The following DCDC2C variants were observed in gnomAD, a reference collection of about 807,000 sequenced individuals.
DCDC2C encodes doublecortin domain-containing protein 2C.
Under a neutral mutation model 45.0 loss-of-function variants are expected in DCDC2C, and 44 were observed. That is an observed-to-expected ratio of 0.98 (90% confidence interval 0.77 to 1.26). The LOEUF (loss-of-function observed/expected upper bound fraction) is 1.26, where lower values mean the gene tolerates loss of function less well. Among genes scored for constraint, DCDC2C ranks in the 50% most tolerant of loss-of-function variants. The pLI is 0.00. For missense variants in DCDC2C, 447 were observed against 468.9 expected (o/e 0.95, Z 0.43); for synonymous variants, 187 against 178.8 (o/e 1.05, Z -0.37).
intron 6 of DCDC2C, among the ~76,000 whole-genome samples, chr2:3,762,590 T>G (rs1669908541): frequency 6.7e-6 from 1 of 149,636 alleles, no homozygotes; most frequent in African/African-American, 2.5e-5. Context: ...AGAGAGAGAG[T>G]CGGGGGGAGC....
At chr2:3,726,898 T>TC (rs1333615449) in intron 2 of DCDC2C, 105 bp from the exon 3 acceptor site, 26 of 1,010,230 alleles carry the variant, frequency 2.6e-5, no homozygotes, top group African/African-American at 1.5e-4. Context: ...ACAAAGGGGT[T>TC]CCCCCCCTTT....
chr2:3,826,463 A>C (rs959955398), intron 10 of DCDC2C, among the ~76,000 whole-genome samples: 1 of 152,184 alleles, frequency 6.6e-6, no homozygotes, highest in Non-Finnish European at 1.5e-5. Flanking sequence ...TGCTTTGCAA[A>C]TTGTAAAAAT....
chr2:3,822,269 T>G (rs1400295602), intron 10 of DCDC2C, among the ~76,000 whole-genome samples: 2 of 152,198 alleles, frequency 1.3e-5, no homozygotes, highest in Non-Finnish European at 2.9e-5. Context: ...TCATGGGAAG[T>G]TTTTTGATTA....
chr2:3,764,088 G>A (rs952059808), intron 6 of DCDC2C, among the ~76,000 whole-genome samples: 1 of 152,166 alleles, frequency 6.6e-6, no homozygotes, highest in East Asian at 1.9e-4. Context: ...AGGAGGCATC[G>A]ACTTCATCAT....
intron 10 of DCDC2C, among the ~76,000 whole-genome samples, chr2:3,807,912 G>A (rs1255768250): frequency 6.6e-6 from 1 of 152,160 alleles, no homozygotes; most frequent in East Asian, 1.9e-4. Context: ...CAATTGCCTA[G>A]TAGTGCTCCA....
At chr2:3,766,973 C>T (rs1670030055) in intron 6 of DCDC2C, among the ~76,000 whole-genome samples, 1 of 152,232 alleles carries the variant, frequency 6.6e-6, no homozygotes, top group Non-Finnish European at 1.5e-5. Context: ...GTGACGGCCA[C>T]AGCTCCCTGT....
intron 2 of DCDC2C, among the ~76,000 whole-genome samples, chr2:3,714,817 A>G (rs1668308469): frequency 6.6e-6 from 1 of 152,196 alleles, no homozygotes; most frequent in African/African-American, 2.4e-5. Context: ...ACCAATACTC[A>G]CTTCCACTAT....
intron 10 of DCDC2C, among the ~76,000 whole-genome samples, chr2:3,836,926 G>A (rs979849268): frequency 2.0e-5 from 3 of 151,042 alleles, no homozygotes; most frequent in African/African-American, 7.3e-5. Flanking sequence ...TTGTAATACT[G>A]TACTATCTTA....
chr2:3,813,732 C>CTTTTTTTTTTTT (rs3067128), intron 10 of DCDC2C, among the ~76,000 whole-genome samples: 2 of 99,140 alleles, frequency 2.0e-5, no homozygotes, highest in African/African-American at 8.3e-5. Flanking sequence ...GCAACCCCTG[C>CTTTTTTTTTTTT]TTTTTTTTTT....
At chr2:3,735,218 T>C (rs1668990730) in intron 3 of DCDC2C, among the ~76,000 whole-genome samples, 2 of 152,110 alleles carry the variant, frequency 1.3e-5, no homozygotes, top group South Asian at 4.1e-4. Flanking sequence ...GGAGCTGTTG[T>C]AACTTTCTTT....
At chr2:3,831,419 T>C (rs1671949820) in intron 10 of DCDC2C, among the ~76,000 whole-genome samples, 1 of 152,236 alleles carries the variant, frequency 6.6e-6, no homozygotes, top group Admixed American at 6.5e-5. Context: ...ACTGCAAACC[T>C]GTACAGTAAA....
chr2:3,795,206 G>A (rs201928443), intron 10 of DCDC2C, among the ~76,000 whole-genome samples: 5,943 of 151,856 alleles, frequency 0.039, 136 homozygotes, highest in East Asian at 0.057. Context: ...ACTTTTTGAT[G>A]GGGTTGTTTG....
At chr2:3,791,124 T>A (rs1008976263) in intron 10 of DCDC2C, among the ~76,000 whole-genome samples, 3 of 151,796 alleles carry the variant, frequency 2.0e-5, no homozygotes, top group Non-Finnish European at 2.9e-5. Context: ...AAAAGAAAAT[T>A]TTGTGGTTCT....
chr2:3,712,283 A>T (rs1668232824), intron 2 of DCDC2C, among the ~76,000 whole-genome samples: 1 of 152,096 alleles, frequency 6.6e-6, no homozygotes, highest in Non-Finnish European at 1.5e-5. Context: ...CAGTGGCATC[A>T]CTACTACTTA....
At chr2:3,732,440 A>G (rs927269534) in intron 3 of DCDC2C, among the ~76,000 whole-genome samples, 1 of 152,100 alleles carries the variant, frequency 6.6e-6, no homozygotes, top group Non-Finnish European at 1.5e-5. Context: ...TATAATATAT[A>G]TATATTTAGC....
chr2:3,720,506 A>G (rs912161368), intron 2 of DCDC2C, among the ~76,000 whole-genome samples: 2 of 152,224 alleles, frequency 1.3e-5, no homozygotes, highest in Non-Finnish European at 2.9e-5. Flanking sequence ...GGTCGAAGGC[A>G]GAGTAAAATA....
At chr2:3,822,530 A>G (rs1260066092) in intron 10 of DCDC2C, among the ~76,000 whole-genome samples, 1 of 139,274 alleles carries the variant, frequency 7.2e-6, no homozygotes, top group African/African-American at 2.8e-5. Flanking sequence ...TCTAGCTAAA[A>G]GTTTGTCAAT....
intron 4 of DCDC2C, among the ~76,000 whole-genome samples, chr2:3,744,395 G>C (rs1371249313): frequency 6.6e-6 from 1 of 152,200 alleles, no homozygotes; most frequent in Non-Finnish European, 1.5e-5. Context: ...GAGACTGGGA[G>C]GCCAAGAGGC....
chr2:3,739,603 C>G (rs1669140401), intron 3 of DCDC2C, among the ~76,000 whole-genome samples: 1 of 152,220 alleles, frequency 6.6e-6, no homozygotes, highest in Non-Finnish European at 1.5e-5. Context: ...TAGAGGAGTG[C>G]TGGGGTTCCG....
Sources: gnomAD v4.1 joint callset for allele counts (sites outside exome capture counted in the v4.1 genomes callset) on GRCh38, gnomAD v4.1.1 for gene constraint, MANE v1.5 for transcripts, NCBI Gene and HGNC (gene_info 2026-07-23, HGNC 2026-07-21) for gene names.